The following EME1 variants were observed in gnomAD, a reference collection of about 807,000 sequenced individuals.
EME1 encodes structure-specific endonuclease subunit EME1.
In EME1, 61 loss-of-function variants were observed where a neutral mutation model predicts 59.1. That is an observed-to-expected ratio of 1.03 (90% CI 0.84 to 1.28). EME1 has a LOEUF of 1.28. EME1 is among the 50% of genes most tolerant of loss of function. The pLI is 0.00. For missense variants in EME1, 635 were observed against 682.6 expected (o/e 0.93, Z 0.78); for synonymous variants, 230 against 254.2 (o/e 0.90, Z 0.90).
chr17:50,376,361 C>G (rs944861020), intron 3 of EME1, among the ~76,000 whole-genome samples, 168 bp downstream of exon 3: 1 of 152,220 alleles, frequency 6.6e-6, no homozygotes, highest in Non-Finnish European at 1.5e-5. Flanking sequence ...TTTGCCAAGG[C>G]ATGGGCAGGG....
At chr17:50,374,910 T>G in intron 1 of EME1, 1 of 261,556 alleles carries the variant, frequency 3.8e-6, no homozygotes, top group Non-Finnish European at 7.3e-6. Flanking sequence ...GGGTTGGAGG[T>G]GTTAAATCTT....
rs185421051 is a variant in EME1 at position 50,379,135 on chromosome 17, C to T, written c.1141C>T (p.Gln381Ter). 1.9e-5 allele frequency: 31 copies of T among 1,614,130 alleles called. No individual in the cohort carries two copies. In the East Asian group the frequency reaches 6.0e-4, roughly 31 times the overall value. Residue 381 changes from glutamine to a stop codon, truncating the protein, a stop_gained, in exon 6 of 9, where the codon CAG (glutamine) becomes TAG (stop). Coordinates refer to ENST00000338165, the MANE Select transcript of EME1 (RefSeq NM_152463.4). LOFTEE classifies it high-confidence loss of function. ...TCAGAATCCTCCAAGAAGAGGGAAACAGGGAGCAAATAAACAGACCAAGAA... is the reference window on the plus strand; with the variant it reads ...TCAGAATCCTCCAAGAAGAGGGAAATAGGGAGCAAATAAACAGACCAAGAA... Reference protein sequence around the residue: ...SAQNPPRRGKQGANKQTKKQQ... With the variant: ...SAQNPPRRGK
Position 50,375,916 on chromosome 17 carries a change from G to T in EME1, c.708G>T (p.Leu236=). Reference sequence around the variant, plus strand: ...GACAGGAAAGAAAGAATGCAGCACTGGTTACCAGGATGAAAGCCCAGAGGC... The same window carrying T: ...GACAGGAAAGAAAGAATGCAGCACTTGTTACCAGGATGAAAGCCCAGAGGC... ...LRRQERKNAA[L]VTRMKAQRPE... is the part of the protein sequence containing the mutation. The change falls in exon 2 of 9, where the codon CTG becomes CTT. Residue 236 remains leucine (L), a synonymous_variant. Coordinates refer to ENST00000338165, the MANE Select transcript of EME1 (RefSeq NM_152463.4). 1 of 1,612,754 alleles carries T rather than the reference G, an allele frequency of 6.2e-7. No individual in the cohort carries two copies. Among genetic ancestry groups the T allele is most frequent in the Non-Finnish European group, 8.5e-7 (1 of 1,179,498 alleles).
chr17:50,378,458 C>A, intron 3 of EME1, 137 bp from the exon 4 acceptor site: 2 of 813,330 alleles, frequency 2.5e-6, no homozygotes, highest in Non-Finnish European at 2.1e-6. Context: ...TTTCTTGCCA[C>A]AGTGACTTCA....
At chr17:50,375,110 A>C in intron 1 of EME1, 75 bp from the exon 2 acceptor site, 1 of 1,169,222 alleles carries the variant, frequency 8.6e-7, no homozygotes, top group Non-Finnish European at 1.2e-6. Flanking sequence ...TATGTCATAA[A>C]GCCTGGCTAT....
intron 1 of EME1, among the ~76,000 whole-genome samples, chr17:50,374,746 T>G (rs1913362458): frequency 6.6e-6 from 1 of 151,946 alleles, no homozygotes; most frequent in Non-Finnish European, 1.5e-5. Context: ...CCAGCTAGGC[T>G]GAGGCAGGAG....
chr17:50,381,330 G>A lies in EME1; in HGVS notation c.*391G>A. On this transcript the variant is annotated 3_prime_UTR_variant, in exon 9 of 9. Coordinates refer to ENST00000338165, the MANE Select transcript of EME1 (RefSeq NM_152463.4). The stretch of plus-strand genomic sequence containing the variant: ...AGTGAAGCTGCGGGTTGGCTTGACT[G>A]GGCTCAGCCACTGAGCTGCCTCAAC... 1 of 212,400 alleles carries A rather than the reference G, an allele frequency of 4.7e-6. No individual in the cohort carries two copies. 13.2% of individuals were successfully genotyped at this position (212,400 alleles called of 1,614,324 possible).
chr17:50,375,402 C>T lies in EME1; in HGVS notation c.194C>T (p.Pro65Leu). Residue 65 changes from proline to leucine, a missense_variant, in exon 2 of 9, where the codon CCA (proline) becomes CTA (leucine). Transcript: ENST00000338165. ...CCTCCAGCACCAGAGTTATTTTCACCACCTGTCCCAGAAATAGCTGAAACT... is the reference window on the plus strand; with the variant it reads ...CCTCCAGCACCAGAGTTATTTTCACTACCTGTCCCAGAAATAGCTGAAACT... ...SCPPAPELFS[P>L]PVPEIAETVT... The T allele has an allele frequency of 3.7e-6, 6 of 1,614,174 alleles. No homozygotes were observed. The highest frequency in any genetic ancestry group is 5.1e-6 in the Non-Finnish European group (6 of 1,180,040).
chr17:50,375,705 G>A lies in EME1; in HGVS notation c.497G>A (p.Cys166Tyr). The A allele has an allele frequency of 1.2e-6, 2 of 1,614,096 alleles. No individual in the cohort carries two copies. The highest frequency in any genetic ancestry group is 1.7e-5 in the Admixed American group (1 of 60,020). ...AACAAGGACCTGATCTTAGATCCAT[G>A]CTGTCAGCTTCCAGCCTACCTGTCT... is the stretch of plus-strand genomic sequence containing the variant. ...ADNKDLILDP[C>Y]CQLPAYLSTC... The change falls in exon 2 of 9, where the codon TGC (cysteine) becomes TAC (tyrosine). Residue 166 changes from cysteine (C) to tyrosine (Y), a missense_variant. By Grantham distance (194) the Cys-to-Tyr change is radical. Coordinates refer to ENST00000338165, the MANE Select transcript of EME1 (RefSeq NM_152463.4).
chr17:50,380,343 T>G lies in EME1; in HGVS notation c.1378T>G (p.Cys460Gly). The G allele has an allele frequency of 6.2e-7, 1 of 1,613,002 alleles. No individual in the cohort carries two copies. Among genetic ancestry groups the G allele is most frequent in the Non-Finnish European group, 8.5e-7 (1 of 1,179,492 alleles). Residue 460 changes from cysteine (C) to glycine (G), a missense_variant, in exon 8 of 9, where the codon TGT becomes GGT. Cys to Gly is a radical substitution (Grantham distance 159). Coordinates refer to ENST00000338165, the MANE Select transcript of EME1 (RefSeq NM_152463.4). ...CCGAGATGAAACTACCTTCTCCTTC[T>G]GTCTGGAGAGTGACTGGGCTGGAGG... ...KLRDETTFSF[C>G]LESDWAGGVK...
At chr17:50,376,244 A>G in intron 3 of EME1, 51 bp downstream of exon 3, 2 of 1,593,700 alleles carry the variant, frequency 1.3e-6, no homozygotes, top group Non-Finnish European at 1.7e-6. Context: ...TTACAATTAC[A>G]GGATAAATAT....
chr17:50,379,507 G>A lies in EME1; in HGVS notation c.1286G>A (p.Trp429Ter). The A allele has an allele frequency of 6.2e-7, 1 of 1,614,206 alleles. No individual in the cohort carries two copies. The highest frequency in any genetic ancestry group is 8.5e-7 in the Non-Finnish European group (1 of 1,180,042). The change falls in exon 7 of 9, where the codon TGG (tryptophan) becomes TAG (stop). Residue 429 changes from tryptophan to a stop codon, truncating the protein, a stop_gained. Coordinates refer to ENST00000338165, the MANE Select transcript of EME1 (RefSeq NM_152463.4). LOFTEE classifies it high-confidence loss of function. ...GCCCAGGCTCAAATTGTGCAGAGCT[G>A]GAAAGAGCTGGCCGACTTCACATGC... ...TEAQAQIVQS[W>*]KELADFTCAF... is the part of the protein sequence containing the mutation.
chr17:50,376,104 G>A lies in EME1; in HGVS notation c.814G>A (p.Ala272Thr). Reference protein sequence around the residue: ...QMEGGGQLLGALQTMECRCVI... With the variant: ...QMEGGGQLLGTLQTMECRCVI... The stretch of plus-strand genomic sequence containing the variant: ...GGAAGGTGGGGGCCAGCTCCTAGGA[G>A]CACTGCAGACCATGGAGTGCCGCTG... Residue 272 changes from alanine to threonine, a missense_variant, in exon 3 of 9, where the codon GCA becomes ACA. Ala to Thr is a moderately conservative substitution (Grantham distance 58). Transcript: ENST00000338165. 6.2e-7 allele frequency: 1 copy of A among 1,614,094 alleles called. No homozygotes were observed. The highest frequency in any genetic ancestry group is 8.5e-7 in the Non-Finnish European group (1 of 1,180,010).
At chr17:50,377,661 ATT>A (rs1913546014) in intron 3 of EME1, among the ~76,000 whole-genome samples, 3 of 152,114 alleles carry the variant, frequency 2.0e-5, no homozygotes, top group Admixed American at 6.5e-5. Flanking sequence ...AGCCAGAGTC[ATT>A]TACTTGTACT....
In EME1 at chr17:50,377,739, T is replaced by C. The variant is rs577946024; in HGVS notation, c.904-856T>C. On this transcript the variant is annotated intron_variant, in intron 3 of 8. Coordinates refer to ENST00000338165, the MANE Select transcript of EME1 (RefSeq NM_152463.4). Reference sequence around the variant, plus strand: ...AAAATGGCCCCAGCCCCTTTCAACTTGCTATGTTCCTTTTTTCTCTCTTTT... The same window carrying C: ...AAAATGGCCCCAGCCCCTTTCAACTCGCTATGTTCCTTTTTTCTCTCTTTT... Among the ~76,000 whole-genome samples the C allele has an allele frequency of 2.0e-5, 3 of 152,030 alleles. No individual in the cohort carries two copies. In the East Asian group the frequency reaches 5.8e-4, roughly 29 times the overall value.
Position 50,378,792 on chromosome 17 carries a change from A to T in EME1, c.1009A>T (p.Met337Leu). 1 of 1,614,218 alleles carries T rather than the reference A, an allele frequency of 6.2e-7. No homozygotes were observed. The highest frequency in any genetic ancestry group is 8.5e-7 in the Non-Finnish European group (1 of 1,180,040). Residue 337 changes from methionine to leucine, a missense_variant, in exon 5 of 9, where the codon ATG becomes TTG. Physicochemically the swap from Met to Leu is conservative, Grantham distance 15 (BLOSUM62 2). Coordinates refer to ENST00000338165, the MANE Select transcript of EME1 (RefSeq NM_152463.4). ...CATGCAGGGAAGCCTGGACAGCACT[A>T]TGAAAGGGAAGGAAACGCTTCAGGG... ...NGKQGSLDST[M>L]KGKETLQGFV...
intron 8 of EME1, 114 bp from the exon 9 acceptor site, chr17:50,380,649 C>G (rs1458938399): frequency 4.5e-6 from 7 of 1,543,594 alleles, no homozygotes; most frequent in South Asian, 2.4e-5. Context: ...TAATGCTGAC[C>G]CAGGGAGGGA....
At chr17:50,379,011 C>G (rs1913633422) in intron 5 of EME1, 96 bp from the exon 6 acceptor site, 6 of 1,611,568 alleles carry the variant, frequency 3.7e-6, no homozygotes, top group Non-Finnish European at 5.1e-6. Flanking sequence ...CCATCTCTAA[C>G]AAGTCCAGGG....
At position 50,375,418 on chromosome 17, in the gene EME1, A is replaced by G. The variant is rs149195681; in HGVS notation, c.210A>G (p.Ile70Met). 2.4e-5 allele frequency: 38 copies of G among 1,614,104 alleles called. No individual in the cohort carries two copies. The highest frequency in any genetic ancestry group is 4.0e-5 in the African/African-American group (3 of 74,946). Residue 70 changes from isoleucine to methionine, a missense_variant, in exon 2 of 9, where the codon ATA (isoleucine) becomes ATG (methionine). Coordinates refer to ENST00000338165, the MANE Select transcript of EME1 (RefSeq NM_152463.4). ...TATTTTCACCACCTGTCCCAGAAATAGCTGAAACTGTCACACAAACACAGC... is the reference window on the plus strand; with the variant it reads ...TATTTTCACCACCTGTCCCAGAAATGGCTGAAACTGTCACACAAACACAGC... ...PELFSPPVPE[I>M]AETVTQTQPV...
Sources: allele counts gnomAD v4.1 joint callset (sites outside exome capture counted in the v4.1 genomes callset), GRCh38; gene constraint gnomAD v4.1.1; transcripts MANE v1.5; gene names NCBI Gene and HGNC (gene_info 2026-07-23, HGNC 2026-07-21).